Variants in PTK2 observed in about 807,000 individuals in gnomAD.
The protein encoded by PTK2 is focal adhesion kinase 1.
Under a neutral mutation model 150.1 loss-of-function variants are expected in PTK2, and 45 were observed. The ratio of observed to expected loss-of-function variants is 0.30; its 90% CI spans 0.24 to 0.38. PTK2 has a LOEUF of 0.38. Ranked by LOEUF, PTK2 falls within the 10% of genes least tolerant of loss-of-function variation. The pLI, the probability that PTK2 is intolerant of heterozygous loss-of-function variation, is 1.00. For synonymous variants in PTK2, 432 were observed against 449.2 expected (o/e 0.96, Z 0.48); for missense variants, 919 against 1,307.3 (o/e 0.70, Z 4.58).
At chr8:140,803,084 A>T (rs893473299) in intron 11 of PTK2, among the ~76,000 whole-genome samples, 3 of 127,792 alleles carry the variant, frequency 2.3e-5, no homozygotes, top group Admixed American at 1.1e-4. Flanking sequence ...GTGTCATCTC[A>T]GCTCACTGCA....
rs1566980665 is a variant in PTK2 at position 140,819,592 on chromosome 8, GCAGCCT to G, written c.649-578_649-573del. 1.4e-4 allele frequency among the ~76,000 whole-genome samples: 21 copies of G among 152,298 alleles called. 1 individual carries two copies. On this transcript the variant is annotated intron_variant, in intron 8 of 31. Transcript: ENST00000522684. ...TCTATCTTCTCAACCAACATTCTAT[GCAGCCT>G]CAAGAACTGTTTTGGAGAACTAATC... is the stretch of plus-strand genomic sequence containing the variant.
intron 18 of PTK2, among the ~76,000 whole-genome samples, chr8:140,745,366 G>A (rs1444849794): frequency 6.6e-6 from 1 of 152,174 alleles, no homozygotes; most frequent in East Asian, 1.9e-4. Context: ...GGCAAAGAAA[G>A]GCAGACACAA....
rs549520370 is a variant in PTK2, at chr8:140,691,204, G to A, written c.2500-4510C>T. Reference sequence around the variant, plus strand: ...TCTTTTAGAGATGGTTGGGGGTGGGGGGTCTCACTATGTTATCCAGGCTGG... The same window carrying A: ...TCTTTTAGAGATGGTTGGGGGTGGGAGGTCTCACTATGTTATCCAGGCTGG... On this transcript the variant is annotated intron_variant, in intron 26 of 31. Coordinates refer to ENST00000522684, the Ensembl canonical transcript of PTK2. Among the ~76,000 whole-genome samples the A allele has an allele frequency of 1.3e-3, 195 of 147,054 alleles. 2 individuals carry two copies. Among genetic ancestry groups the A allele is most frequent in the Non-Finnish European group, 2.4e-3 (158 of 65,938 alleles).
chr8:140,811,188 C>G (rs1000973863), intron 10 of PTK2, among the ~76,000 whole-genome samples: 2 of 152,176 alleles, frequency 1.3e-5, no homozygotes, highest in Non-Finnish European at 2.9e-5. Context: ...CACCCCTACC[C>G]CCAACACTCC....
intron 14 of PTK2, among the ~76,000 whole-genome samples, chr8:140,780,252 T>A (rs2100080905): frequency 6.6e-6 from 1 of 152,162 alleles, no homozygotes; most frequent in Non-Finnish European, 1.5e-5. Context: ...AGCATTAATG[T>A]CAACAGCTGC....
In PTK2 at chr8:140,846,292, T is replaced by G. The variant is rs774075159; in HGVS notation, c.561A>C (p.Ala187=). The stretch of plus-strand genomic sequence containing the variant: ...CTTCATAGTTAGACTTCTTTTCTAG[T>G]GCATTGCCCCGCATCTCCCAGTATG... The change falls in exon 7 of 32, where the codon GCA becomes GCC. Residue 187 remains alanine (A), a synonymous_variant. Transcript: ENST00000522684. 8.1e-6 allele frequency: 13 copies of G among 1,612,424 alleles called. No homozygotes were observed. The East Asian group carries it at 2.9e-4, about 36-fold the overall frequency.
intron 31 of PTK2, 139 bp downstream of exon 35, chr8:140,664,778 G>A (rs1195353030): frequency 2.4e-6 from 2 of 830,266 alleles, no homozygotes; most frequent in African/African-American, 1.7e-5. Flanking sequence ...AGTGTTAGAG[G>A]GAAGGTCATC....
intron 27 of PTK2, among the ~76,000 whole-genome samples, chr8:140,678,549 T>C (rs1007838916): frequency 1.3e-5 from 2 of 152,152 alleles, no homozygotes; most frequent in African/African-American, 4.8e-5. Context: ...AGACAAGGTT[T>C]TGCCATATTA....
chr8:140,912,913 T>C (rs1478146029), intron 2 of PTK2, among the ~76,000 whole-genome samples: 1 of 151,802 alleles, frequency 6.6e-6, no homozygotes, highest in Non-Finnish European at 1.5e-5. Flanking sequence ...GCCACTGCAC[T>C]CCAGCCTGGG....
chr8:140,773,613 G>A (rs1356919064), intron 14 of PTK2, among the ~76,000 whole-genome samples: 1 of 152,144 alleles, frequency 6.6e-6, no homozygotes, highest in African/African-American at 2.4e-5. Flanking sequence ...AGGAGCAGCA[G>A]GGAGGTCAGG....
intron 26 of PTK2, among the ~76,000 whole-genome samples, chr8:140,689,985 C>T (rs988342523): frequency 5.3e-5 from 8 of 152,156 alleles, no homozygotes; most frequent in African/African-American, 1.9e-4. Flanking sequence ...TGGAGTCTCC[C>T]TCTGTCTCCC....
In PTK2 at chr8:141,000,016, A is replaced by G. The variant is rs552805057; in HGVS notation, c.-122+1109T>C. On this transcript the variant is annotated intron_variant, in intron 1 of 31. Coordinates refer to ENST00000522684, the Ensembl canonical transcript of PTK2. ...ATGAGACACTGTTGAAATGACTCGGAAAAAAAAAAAAAAAGAAACTTTACC... is the reference window on the plus strand; with the variant it reads ...ATGAGACACTGTTGAAATGACTCGGGAAAAAAAAAAAAAAGAAACTTTACC... Among the ~76,000 whole-genome samples, 28 of 50,344 alleles carry G rather than the reference A, an allele frequency of 5.6e-4. No individual in the cohort carries two copies. In the South Asian group the frequency reaches 0.017, roughly 30 times the overall value. The allele number at this position is 50,344 out of a possible 152,430, so 33.0% of individuals were successfully genotyped here.
chr8:140,729,872 C>T (rs970751683), intron 22 of PTK2, among the ~76,000 whole-genome samples: 2 of 152,148 alleles, frequency 1.3e-5, no homozygotes, highest in Non-Finnish European at 2.9e-5. Flanking sequence ...CCTAACCACA[C>T]AGTTTCAGTC....
chr8:140,998,995 C>A lies in PTK2; in HGVS notation c.-122+2130G>T, dbSNP rs1213374194. Among the ~76,000 whole-genome samples, 4 of 152,158 alleles carry A rather than the reference C, an allele frequency of 2.6e-5. No individual in the cohort carries two copies. In the East Asian group the frequency reaches 7.7e-4, roughly 29 times the overall value. ...TTTTAGTATAAAACGTTTTAATGAT[C>A]CTCACTGCCTCCTCACAATTTCACT... On this transcript the variant is annotated intron_variant, in intron 1 of 31. Transcript: ENST00000522684.
In PTK2 at chr8:140,853,193, C is replaced by CT. The variant is rs111550228; in HGVS notation, c.451-6516dup. Among the ~76,000 whole-genome samples the CT allele has an allele frequency of 2.0e-3, 227 of 113,632 alleles. 1 individual carries two copies. The highest frequency in any genetic ancestry group is 9.3e-3 in the Middle Eastern group (2 of 216). 74.5% of individuals were successfully genotyped at this position (113,632 alleles called of 152,430 possible). ...AAACCTTTGCATATGATGTCACACTCTTTTTTTTTTTTAATACTTTAAGTT... is the reference window on the plus strand; with the variant it reads ...AAACCTTTGCATATGATGTCACACTCTTTTTTTTTTTTTAATACTTTAAGTT... On this transcript the variant is annotated intron_variant, in intron 5 of 31. Transcript: ENST00000522684.
chr8:140,812,907 G>A (rs1412566849), intron 10 of PTK2, among the ~76,000 whole-genome samples: 1 of 152,140 alleles, frequency 6.6e-6, no homozygotes, highest in East Asian at 1.9e-4. Context: ...CCTTCAAAGA[G>A]ACTTAGACTC....
intron 1 of PTK2, among the ~76,000 whole-genome samples, chr8:140,946,810 A>T (rs1389784381): frequency 1.3e-5 from 2 of 151,946 alleles, no homozygotes; most frequent in Admixed American, 1.3e-4. Flanking sequence ...CACTATACAG[A>T]CTCTGTTTGG....
chr8:140,846,187 T>C (rs1441262682), intron 7 of PTK2, 73 bp downstream of exon 7: 2 of 1,208,860 alleles, frequency 1.7e-6, no homozygotes, highest in African/African-American at 3.1e-5. Flanking sequence ...TCAGAATCAG[T>C]ATTTAATTTT....
At chr8:140,745,908 G>C (rs2100058406) in intron 18 of PTK2, among the ~76,000 whole-genome samples, 1 of 151,542 alleles carries the variant, frequency 6.6e-6, no homozygotes, top group Non-Finnish European at 1.5e-5. Flanking sequence ...GCTGAGGCAA[G>C]AGTAGTGCTT....
Sources: allele counts gnomAD v4.1 joint callset (sites outside exome capture counted in the v4.1 genomes callset), GRCh38; gene constraint gnomAD v4.1.1; transcripts MANE v1.5; gene names NCBI Gene and HGNC (gene_info 2026-07-23, HGNC 2026-07-21).